IQCK: variants seen among roughly 807,000 people sequenced by gnomAD.
IQCK encodes IQ domain-containing protein K.
Under a neutral mutation model 28.1 loss-of-function variants are expected in IQCK, and 29 were observed. The ratio of observed to expected loss-of-function variants is 1.03; its 90% CI spans 0.77 to 1.41. The LOEUF (loss-of-function observed/expected upper bound fraction) is 1.41. Among genes scored for constraint, IQCK ranks in the 40% most tolerant of loss-of-function variants. The pLI, the probability that IQCK is intolerant of heterozygous loss-of-function variation, is 0.00. For missense variants in IQCK, 359 were observed against 314.7 expected (o/e 1.14, Z -1.07); for synonymous variants, 113 against 115.1 (o/e 0.98, Z 0.12).
intron 1 of IQCK, among the ~76,000 whole-genome samples, chr16:19,719,670 ATT>A (rs1204084614): frequency 1.3e-4 from 16 of 126,588 alleles, no homozygotes; most frequent in African/African-American, 2.6e-4. Context: ...TTGGACTCAA[ATT>A]TTTTTTTTTT....
At chr16:19,733,855 A>T (rs746908243) in intron 3 of IQCK, 28 bp downstream of exon 3, 1 of 1,613,126 alleles carries the variant, frequency 6.2e-7, no homozygotes, top group Non-Finnish European at 8.5e-7. Flanking sequence ...CATCTTTTAT[A>T]ATTTGGGGCT....
intron 4 of IQCK, chr16:19,761,694 A>G (rs2055145861): frequency 3.8e-6 from 1 of 263,254 alleles, no homozygotes; most frequent in South Asian, 4.2e-5. Flanking sequence ...GCTCCACCCC[A>G]TTGGCAGGCT....
intron 9 of IQCK, among the ~76,000 whole-genome samples, chr16:19,837,110 A>G (rs1158345122): frequency 6.6e-6 from 1 of 152,190 alleles, no homozygotes; most frequent in African/African-American, 2.4e-5. Context: ...TATTGTTAAG[A>G]ATATTGGCAG....
intron 6 of IQCK, among the ~76,000 whole-genome samples, chr16:19,771,115 A>C (rs540836392): frequency 6.6e-6 from 1 of 152,304 alleles, no homozygotes; most frequent in South Asian, 2.1e-4. Context: ...AGAGGGTGAC[A>C]GGGTCTCCCT....
chr16:19,721,027 C>T (rs13331696), intron 1 of IQCK, among the ~76,000 whole-genome samples: 1 of 147,932 alleles, frequency 6.8e-6, no homozygotes, highest in Admixed American at 6.7e-5. Flanking sequence ...AAAAAAAAAA[C>T]AATTCAGTGA....
intron 7 of IQCK, among the ~76,000 whole-genome samples, chr16:19,789,466 G>T (rs1346996463): frequency 2.3e-4 from 12 of 53,270 alleles, no homozygotes; most frequent in East Asian, 5.2e-4. Context: ...AACTTATTTT[G>T]TAGTTATTAA....
chr16:19,735,177 C>T (rs1005861908), intron 3 of IQCK, among the ~76,000 whole-genome samples, 176 bp from the exon 4 acceptor site: 2 of 152,122 alleles, frequency 1.3e-5, no homozygotes, highest in African/African-American at 4.8e-5. Flanking sequence ...CTCAGAGGGA[C>T]ATTTTAAGTT....
At chr16:19,765,019 G>A (rs1423859503) in intron 6 of IQCK, among the ~76,000 whole-genome samples, 3 of 143,160 alleles carry the variant, frequency 2.1e-5, no homozygotes, top group South Asian at 2.4e-4. Context: ...TCAGGAGATC[G>A]AGACCATCCT....
At chr16:19,840,964 T>C (rs1222545532) in intron 9 of IQCK, among the ~76,000 whole-genome samples, 2 of 152,192 alleles carry the variant, frequency 1.3e-5, no homozygotes, top group Non-Finnish European at 2.9e-5. Context: ...GCCCACCAAA[T>C]TGTCCCTGCT....
chr16:19,789,437 CACAA>C (rs2055591938), intron 7 of IQCK, among the ~76,000 whole-genome samples: 1 of 82,166 alleles, frequency 1.2e-5, no homozygotes, highest in African/African-American at 8.1e-5. Flanking sequence ...AAAAAAAAAA[CACAA>C]AGACTTTTTA....
At chr16:19,810,760 C>G (rs1033417115) in intron 7 of IQCK, among the ~76,000 whole-genome samples, 3 of 150,082 alleles carry the variant, frequency 2.0e-5, no homozygotes, top group African/African-American at 7.4e-5. Flanking sequence ...GAGCCAAGAT[C>G]GTGCCACTGC....
intron 4 of IQCK, chr16:19,735,706 G>A (rs1180628651): frequency 1.1e-5 from 5 of 457,828 alleles, no homozygotes; most frequent in African/African-American, 6.0e-5. Flanking sequence ...CCCTTCTCCT[G>A]TGCAGTTTGG....
At chr16:19,823,028 G>A (rs893978077) in intron 7 of IQCK, among the ~76,000 whole-genome samples, 6 of 152,230 alleles carry the variant, frequency 3.9e-5, no homozygotes, top group African/African-American at 1.2e-4. Context: ...GGGGCTAGGT[G>A]GTAGCTGATG....
chr16:19,776,897 A>G (rs184029936), intron 6 of IQCK, among the ~76,000 whole-genome samples: 79 of 152,360 alleles, frequency 5.2e-4, no homozygotes, highest in Admixed American at 4.9e-3. Context: ...CCAGCCAATC[A>G]GAGGCAATGA....
At chr16:19,845,626 TATAGAA>T (rs1161364712) in intron 9 of IQCK, among the ~76,000 whole-genome samples, 1 of 152,170 alleles carries the variant, frequency 6.6e-6, no homozygotes, top group African/African-American at 2.4e-5. Flanking sequence ...TAAATTGAGA[TATAGAA>T]AGAAAATACG....
chr16:19,761,224 GACATTTCCAATAAGGTT>G (rs2055136175), intron 4 of IQCK: 5 of 353,330 alleles, frequency 1.4e-5, no homozygotes, highest in South Asian at 1.1e-4. Context: ...ACGTGCCTCT[GACATTTCCAATAAGGTT>G]ACATTCCGAA....
chr16:19,722,089 A>G (rs1375910184), intron 1 of IQCK, among the ~76,000 whole-genome samples: 5 of 152,084 alleles, frequency 3.3e-5, no homozygotes, highest in African/African-American at 1.2e-4. Context: ...CTGAAGAAAG[A>G]TGACCCCAAC....
intron 1 of IQCK, among the ~76,000 whole-genome samples, chr16:19,723,236 G>C (rs188469396): frequency 1.3e-5 from 2 of 152,064 alleles, no homozygotes; most frequent in East Asian, 1.9e-4. Context: ...ACTGGCTGTC[G>C]TAGGAACCTC....
intron 7 of IQCK, among the ~76,000 whole-genome samples, chr16:19,808,530 C>G (rs2055860848): frequency 6.6e-6 from 1 of 152,104 alleles, no homozygotes; most frequent in South Asian, 2.1e-4. Flanking sequence ...TTCTCAGAGC[C>G]TCATTTTCCT....
Sources: gnomAD v4.1 joint callset for allele counts (sites outside exome capture counted in the v4.1 genomes callset) on GRCh38, gnomAD v4.1.1 for gene constraint, MANE v1.5 for transcripts, NCBI Gene and HGNC (gene_info 2026-07-23, HGNC 2026-07-21) for gene names.